ASCC3: variants seen among roughly 807,000 people sequenced by gnomAD.
ASCC3 encodes the protein ASC-1 complex subunit P200.
Under a neutral mutation model 256.3 loss-of-function variants are expected in ASCC3, and 158 were observed. That is an observed-to-expected ratio of 0.62 (90% CI 0.54 to 0.70). ASCC3 has a LOEUF of 0.70. ASCC3 is among the 30% of genes least tolerant of loss of function. ASCC3 has a pLI of 0.00. For missense variants in ASCC3, 2,259 were observed against 2,626.0 expected (o/e 0.86, Z 3.05); for synonymous variants, 948 against 883.4 (o/e 1.07, Z -1.30).
At chr6:100,615,962 T>C (rs1005798183) in intron 30 of ASCC3, among the ~76,000 whole-genome samples, 3 of 152,194 alleles carry the variant, frequency 2.0e-5, no homozygotes, top group Non-Finnish European at 1.5e-5. Flanking sequence ...ATGAACTAAA[T>C]TTATTTTAGT....
chr6:100,748,583 G>A (rs1036548658), intron 10 of ASCC3, among the ~76,000 whole-genome samples: 2 of 151,904 alleles, frequency 1.3e-5, no homozygotes, highest in African/African-American at 4.8e-5. Flanking sequence ...TTGGAGTTCT[G>A]GGCCTGCCTC....
intron 5 of ASCC3, 28 bp from the exon 6 acceptor site, chr6:100,800,532 G>C: frequency 1.3e-6 from 2 of 1,508,046 alleles, no homozygotes; most frequent in Non-Finnish European, 1.8e-6. Context: ...GAAACACAAT[G>C]TTTTATAAAT....
At chr6:100,871,230 G>A (rs1277944794) in intron 1 of ASCC3, among the ~76,000 whole-genome samples, 3 of 151,966 alleles carry the variant, frequency 2.0e-5, no homozygotes, top group Non-Finnish European at 4.4e-5. Flanking sequence ...CGAGTAGCTG[G>A]GATTACAGGT....
At chr6:100,753,581 T>C (rs1781043956) in intron 10 of ASCC3, among the ~76,000 whole-genome samples, 2 of 151,872 alleles carry the variant, frequency 1.3e-5, no homozygotes, top group Admixed American at 1.3e-4. Flanking sequence ...GATACAATTA[T>C]AGTGCACTAT....
At chr6:100,663,413 T>C (rs1389435383) in intron 14 of ASCC3, among the ~76,000 whole-genome samples, 1 of 152,110 alleles carries the variant, frequency 6.6e-6, no homozygotes, top group African/African-American at 2.4e-5. Context: ...AGAAAATGAA[T>C]CGTCCCTTTG....
At chr6:100,586,449 CG>C (rs1230061477) in intron 36 of ASCC3, among the ~76,000 whole-genome samples, 1 of 152,112 alleles carries the variant, frequency 6.6e-6, no homozygotes, top group Non-Finnish European at 1.5e-5. Flanking sequence ...GTGCAGTATT[CG>C]GGTGGGAGCG....
intron 1 of ASCC3, among the ~76,000 whole-genome samples, chr6:100,869,746 A>C (rs563048655): frequency 1.8e-4 from 27 of 152,316 alleles, no homozygotes; most frequent in African/African-American, 6.5e-4. Context: ...GCAAAATAAC[A>C]AAAAAGTAAA....
intron 36 of ASCC3, among the ~76,000 whole-genome samples, chr6:100,575,532 T>C (rs1055973655): frequency 2.0e-5 from 3 of 152,074 alleles, no homozygotes; most frequent in African/African-American, 7.2e-5. Context: ...ACATAAAAAT[T>C]CTATTGTTCT....
intron 14 of ASCC3, among the ~76,000 whole-genome samples, chr6:100,675,899 A>C (rs1049120263): frequency 1.3e-5 from 2 of 152,210 alleles, no homozygotes; most frequent in African/African-American, 4.8e-5. Context: ...TGAGATCTCA[A>C]GTAAAACAGA....
At chr6:100,863,292 C>T (rs1346670967) in intron 3 of ASCC3, among the ~76,000 whole-genome samples, 1 of 152,066 alleles carries the variant, frequency 6.6e-6, no homozygotes, top group African/African-American at 2.4e-5. Context: ...TTTCAAATTA[C>T]ATTTTCCTTC....
At chr6:100,546,070 A>C (rs1277109128) in intron 36 of ASCC3, among the ~76,000 whole-genome samples, 1 of 152,226 alleles carries the variant, frequency 6.6e-6, no homozygotes, top group African/African-American at 2.4e-5. Context: ...GTAGGATACA[A>C]AATTAATATA....
In ASCC3 at chr6:100,651,575, T is replaced by C. The variant is rs908396780; in HGVS notation, c.3060A>G (p.Glu1020=). 2.5e-6 allele frequency: 4 copies of C among 1,575,452 alleles called. No homozygotes were observed. The African/African-American group carries it at 5.4e-5, about 21-fold the overall frequency. The change falls in exon 19 of 42, where the codon GAA becomes GAG. Residue 1020 remains glutamate, a synonymous_variant. Coordinates refer to ENST00000369162, the MANE Select transcript of ASCC3 (RefSeq NM_006828.4). The stretch of plus-strand genomic sequence containing the variant: ...GAAATCTTACCTTAATTTGATCAAA[T>C]TCTTCAGCTTTGGAGACTATGGCAA... ...DIFAIVSKAE[E]FDQIKVREEE... is the part of the protein sequence containing the mutation.
intron 13 of ASCC3, among the ~76,000 whole-genome samples, chr6:100,686,129 ATT>A (rs1460798085): frequency 6.6e-6 from 1 of 152,196 alleles, no homozygotes; most frequent in Non-Finnish European, 1.5e-5. Flanking sequence ...TTTAAAAATA[ATT>A]TTTGTCTTTT....
chr6:100,846,561 C>T (rs1237993225), intron 4 of ASCC3, among the ~76,000 whole-genome samples: 1 of 152,088 alleles, frequency 6.6e-6, no homozygotes, highest in Non-Finnish European at 1.5e-5. Context: ...AGGCGCTCAG[C>T]CCTCACCTCC....
chr6:100,822,270 C>G (rs570017071), intron 4 of ASCC3, among the ~76,000 whole-genome samples: 2 of 152,296 alleles, frequency 1.3e-5, no homozygotes, highest in South Asian at 4.1e-4. Context: ...GGCGCAGTGG[C>G]TCACGCCTGT....
intron 37 of ASCC3, among the ~76,000 whole-genome samples, chr6:100,532,920 C>A (rs1186823870): frequency 6.6e-6 from 1 of 152,034 alleles, no homozygotes; most frequent in Non-Finnish European, 1.5e-5. Context: ...TTCCTGATTT[C>A]ATTTTTGTAA....
chr6:100,753,511 A>ATT (rs1562272813), intron 10 of ASCC3, among the ~76,000 whole-genome samples: 4 of 149,772 alleles, frequency 2.7e-5, no homozygotes, highest in African/African-American at 4.9e-5. Context: ...TTTTTTTTAA[A>ATT]AAAAAAAACA....
At chr6:100,543,204 T>A (rs1418325840) in intron 36 of ASCC3, among the ~76,000 whole-genome samples, 2 of 133,652 alleles carry the variant, frequency 1.5e-5, no homozygotes, top group African/African-American at 5.2e-5. Context: ...CATCTCTAGA[T>A]TACTTATAAT....
At chr6:100,784,929 C>A (rs1782619514) in intron 8 of ASCC3, among the ~76,000 whole-genome samples, 1 of 151,972 alleles carries the variant, frequency 6.6e-6, no homozygotes, top group Non-Finnish European at 1.5e-5. Flanking sequence ...TACAAAATAA[C>A]TGACTAACCC....
Sources: allele counts gnomAD v4.1 joint callset (sites outside exome capture counted in the v4.1 genomes callset), GRCh38; gene constraint gnomAD v4.1.1; transcripts MANE v1.5; gene names NCBI Gene and HGNC (gene_info 2026-07-23, HGNC 2026-07-21).